Variants in SIK2 observed in about 807,000 individuals in gnomAD.
The protein encoded by SIK2 is serine/threonine-protein kinase SIK2.
SIK2 carries 29 observed loss-of-function variants against 103.2 expected under a neutral mutation model. The observed-to-expected ratio is 0.28, with a 90% CI of 0.21 to 0.38. SIK2 has a LOEUF of 0.38. Among genes scored for constraint, SIK2 ranks in the 10% least tolerant of loss-of-function variants. SIK2 has a pLI of 1.00. For missense variants in SIK2, 879 were observed against 1,171.0 expected (o/e 0.75, Z 3.64); for synonymous variants, 412 against 446.1 (o/e 0.92, Z 0.96).
intron 3 of SIK2, among the ~76,000 whole-genome samples, chr11:111,622,159 T>C (rs997900400): frequency 6.6e-6 from 1 of 151,846 alleles, no homozygotes. Flanking sequence ...TGCATCTATT[T>C]ATCAATGCAG....
chr11:111,684,261 CAAT>C (rs1942814791), intron 3 of SIK2, among the ~76,000 whole-genome samples: 1 of 152,186 alleles, frequency 6.6e-6, no homozygotes, highest in African/African-American at 2.4e-5. Flanking sequence ...CTTCAAAAAA[CAAT>C]AACTATAGAT....
intron 7 of SIK2, among the ~76,000 whole-genome samples, chr11:111,703,991 G>A (rs1380529297): frequency 2.6e-5 from 4 of 152,132 alleles, no homozygotes; most frequent in Non-Finnish European, 2.9e-5. Flanking sequence ...TAGGATATAC[G>A]TATTTCTAAT....
At chr11:111,684,548 T>TA (rs1229288385) in intron 3 of SIK2, among the ~76,000 whole-genome samples, 1 of 152,198 alleles carries the variant, frequency 6.6e-6, no homozygotes, top group East Asian at 1.9e-4. Flanking sequence ...TTAGGAGAGA[T>TA]ATTATTAACT....
At chr11:111,638,975 G>A (rs1942146419) in intron 3 of SIK2, among the ~76,000 whole-genome samples, 1 of 152,096 alleles carries the variant, frequency 6.6e-6, no homozygotes, top group Non-Finnish European at 1.5e-5. Flanking sequence ...GAGCTTTAGT[G>A]GGCAGCAGTT....
intron 3 of SIK2, among the ~76,000 whole-genome samples, chr11:111,633,891 G>A (rs931574559): frequency 2.6e-5 from 4 of 152,100 alleles, no homozygotes; most frequent in African/African-American, 9.7e-5. Context: ...AGTACAATAA[G>A]GCCTTAACTA....
chr11:111,651,235 T>C (rs933199886), intron 3 of SIK2, among the ~76,000 whole-genome samples: 1 of 152,220 alleles, frequency 6.6e-6, no homozygotes, highest in Non-Finnish European at 1.5e-5. Context: ...CTTGCTTGTA[T>C]TTAGTTGTGT....
chr11:111,681,686 G>A (rs1174531664), intron 3 of SIK2, among the ~76,000 whole-genome samples: 1 of 152,056 alleles, frequency 6.6e-6, no homozygotes, highest in Non-Finnish European at 1.5e-5. Flanking sequence ...CCAACCTATT[G>A]AAGTTTTTTT....
Position 111,644,999 on chromosome 11 carries a change from T to A in SIK2, c.316+24597T>A, listed in dbSNP as rs77978528. On this transcript the variant is annotated intron_variant, in intron 3 of 14. Coordinates refer to ENST00000304987, the MANE Select transcript of SIK2 (RefSeq NM_015191.3). ...TCAGTCACTGTTCATGTGCAAAGAG[T>A]AGAGCAGGGGACAAGTCAGGCCAAC... Among the ~76,000 whole-genome samples, 68 of 152,076 alleles carry A rather than the reference T, an allele frequency of 4.5e-4. 1 individual carries two copies. The East Asian group carries it at 0.013, about 28-fold the overall frequency.
At chr11:111,663,265 A>G (rs1449506963) in intron 3 of SIK2, among the ~76,000 whole-genome samples, 2 of 151,320 alleles carry the variant, frequency 1.3e-5, no homozygotes, top group Non-Finnish European at 2.9e-5. Context: ...GTAAAGGTAG[A>G]GTCTCTGAGG....
At chr11:111,629,360 C>A (rs1942007980) in intron 3 of SIK2, among the ~76,000 whole-genome samples, 1 of 152,114 alleles carries the variant, frequency 6.6e-6, no homozygotes. Flanking sequence ...AATCCTAGAG[C>A]CTGTACTGTT....
intron 3 of SIK2, among the ~76,000 whole-genome samples, chr11:111,660,839 C>CTTTTTTTTTTTTTTTTTTTTTT (rs57174726): frequency 2.2e-5 from 2 of 90,396 alleles, no homozygotes; most frequent in Non-Finnish European, 4.1e-5. Context: ...GTGAAGTTGG[C>CTTTTTTTTTTTTTTTTTTTTTT]TTTTTTTTTT....
chr11:111,626,284 T>C (rs201568152), intron 3 of SIK2, among the ~76,000 whole-genome samples: 55 of 152,304 alleles, frequency 3.6e-4, no homozygotes, highest in South Asian at 2.1e-4. Flanking sequence ...AGAAGCTGAA[T>C]TTAAAGGAGA....
chr11:111,664,475 G>A (rs1362463631), intron 3 of SIK2, among the ~76,000 whole-genome samples: 1 of 152,146 alleles, frequency 6.6e-6, no homozygotes, highest in African/African-American at 2.4e-5. Flanking sequence ...AATTAGCTGG[G>A]CATGGTGGCA....
At chr11:111,642,320 C>T (rs1167198892) in intron 3 of SIK2, among the ~76,000 whole-genome samples, 1 of 152,176 alleles carries the variant, frequency 6.6e-6, no homozygotes, top group African/African-American at 2.4e-5. Flanking sequence ...CCAGGTTACC[C>T]ACACCTTCCG....
chr11:111,691,257 A>G (rs1009384624), intron 4 of SIK2, among the ~76,000 whole-genome samples: 2 of 152,152 alleles, frequency 1.3e-5, no homozygotes, highest in East Asian at 1.9e-4. Flanking sequence ...TTCTAATTAT[A>G]TAGAAGTCAG....
At chr11:111,669,905 ACTTTTTTAATT>A (rs1942601679) in intron 3 of SIK2, among the ~76,000 whole-genome samples, 1 of 152,002 alleles carries the variant, frequency 6.6e-6, no homozygotes, top group South Asian at 2.1e-4. Context: ...CTTTTTTAAT[ACTTTTTTAATT>A]GATACATGAT....
intron 3 of SIK2, among the ~76,000 whole-genome samples, chr11:111,623,623 A>G (rs1330105171): frequency 6.6e-6 from 1 of 152,186 alleles, no homozygotes; most frequent in East Asian, 1.9e-4. Context: ...ACTCTACTCA[A>G]TGCCCCATGA....
At chr11:111,710,867 T>C (rs766654306) in intron 8 of SIK2, among the ~76,000 whole-genome samples, 16 of 152,346 alleles carry the variant, frequency 1.1e-4, no homozygotes, top group Non-Finnish European at 2.1e-4. Flanking sequence ...TTTGATTTGT[T>C]TGAGTTTAAA....
chr11:111,638,901 G>C (rs1170360773), intron 3 of SIK2, among the ~76,000 whole-genome samples: 1 of 151,954 alleles, frequency 6.6e-6, no homozygotes, highest in Non-Finnish European at 1.5e-5. Flanking sequence ...TGTTTTGGAT[G>C]CTAGTCATTG....
Sources: allele counts gnomAD v4.1 joint callset (sites outside exome capture counted in the v4.1 genomes callset), GRCh38; gene constraint gnomAD v4.1.1; transcripts MANE v1.5; gene names NCBI Gene and HGNC (gene_info 2026-07-23, HGNC 2026-07-21).